GALK1: variants seen among roughly 807,000 people sequenced by gnomAD.
GALK1 encodes the protein galactokinase.
A neutral mutation model predicts 38.6 loss-of-function variants in GALK1; 30 were observed. The ratio of observed to expected loss-of-function variants is 0.78; its 90% CI spans 0.58 to 1.05. The LOEUF is 1.05. GALK1 is among the 50% of genes least tolerant of loss of function. The probability of loss-of-function intolerance (pLI) is 0.00; values close to 1 mark genes in which losing one functional copy is unlikely to be tolerated. For synonymous variants in GALK1, 240 were observed against 233.6 expected, an observed-to-expected ratio of 1.03 and a Z score of -0.25; for missense variants, 512 against 540.5, an observed-to-expected ratio of 0.95 and a Z score of 0.52.
rs746991487 is a variant in GALK1 at position 75,764,006 on chromosome 17, G to A, written c.246C>T (p.Ala82=). 4 of 1,609,850 alleles carry A rather than the reference G, an allele frequency of 2.5e-6. No homozygotes were observed. The highest frequency in any genetic ancestry group is 1.3e-5 in the African/African-American group (1 of 74,990). ...GAAACTGCAGCCGCTGGGGCTCATCGGCACCCTCAGAGGTGGTGAGGAGAG... is the reference window on the plus strand; with the variant it reads ...GAAACTGCAGCCGCTGGGGCTCATCAGCACCCTCAGAGGTGGTGAGGAGAG... ...LVSLLTTSEG[A]DEPQRLQFPL... Residue 82 remains alanine, a synonymous_variant, in exon 2 of 8, where the codon GCC becomes GCT. Transcript: ENST00000588479.
At position 75,758,433 on chromosome 17, in the gene GALK1, G is replaced by A. The variant is rs773660569; in HGVS notation, c.944+16C>T. ...GGCCTGTGCCCGGCAGGAGCGGGGC[G>A]CCCAGAGGGCCTCACCTGAGTGAGC... On this transcript the variant is annotated intron_variant, in intron 6 of 7. Transcript: ENST00000588479. 29 of 1,573,516 alleles carry A rather than the reference G, an allele frequency of 1.8e-5. No individual in the cohort carries two copies. Among genetic ancestry groups the A allele is most frequent in the East Asian group, 9.3e-5 (4 of 43,006 alleles).
intron 5 of GALK1, among the ~76,000 whole-genome samples, chr17:75,760,321 G>C (rs1055972997): frequency 2.0e-5 from 3 of 151,916 alleles, no homozygotes; most frequent in African/African-American, 7.2e-5. Flanking sequence ...TCGAATTCCT[G>C]AGCTCAATGA....
At chr17:75,755,968 C>A (rs990597944), downstream of GALK1, 2 of 1,263,900 alleles carry the variant, frequency 1.6e-6, no homozygotes, top group East Asian at 2.5e-5. Context: ...AGCGCTAAAG[C>A]CCCCATCCAG....
intron 2 of GALK1, 168 bp from the exon 3 acceptor site, chr17:75,763,607 T>A: frequency 1.3e-6 from 1 of 781,346 alleles, no homozygotes; most frequent in Non-Finnish European, 2.1e-6. Flanking sequence ...CCCACTGCCC[T>A]CCATTTTCCC....
Position 75,757,896 on chromosome 17 carries a change from C to A in GALK1, c.*160G>T. ...GGGAGCGGTTCTGACATCCCCCATT[C>A]TCTGACACCCAAGCATACACCCACC... On this transcript the variant is annotated 3_prime_UTR_variant, in exon 8 of 8. Coordinates refer to ENST00000588479, the MANE Select transcript of GALK1 (RefSeq NM_000154.2). 1.2e-6 allele frequency: 1 copy of A among 837,878 alleles called. No homozygotes were observed. 51.9% of individuals were successfully genotyped at this position (837,878 alleles called of 1,614,324 possible). A position where few individuals can be genotyped will look rare whatever the true frequency, so the allele number is the denominator to read the frequency against.
At chr17:75,764,542 C>T (rs1363483556) in intron 1 of GALK1, 1 of 475,704 alleles carries the variant, frequency 2.1e-6, no homozygotes, top group Non-Finnish European at 4.2e-6. Flanking sequence ...TTCACTGGGC[C>T]TCTCTAGGCC....
intron 5 of GALK1, among the ~76,000 whole-genome samples, chr17:75,760,408 T>A (rs941614549): frequency 1.3e-5 from 2 of 150,924 alleles, no homozygotes; most frequent in African/African-American, 4.9e-5. Flanking sequence ...CTACAATACT[T>A]GTGTCTCTTG....
chr17:75,757,291 C>T (rs771274592), downstream of GALK1: 19 of 1,612,188 alleles, frequency 1.2e-5, no homozygotes, highest in Middle Eastern at 1.6e-4. Flanking sequence ...ACACCAGCGC[C>T]ACCGAGCCCT....
In GALK1 at chr17:75,764,037, A is replaced by G; in HGVS notation, c.215T>C (p.Leu72Pro). ...CTCAGAGGTGGTGAGGAGAGACACC[A>G]GCCCATCCTTGCGGGGGCTGCCCAC... is the stretch of plus-strand genomic sequence containing the variant. ...VLVGSPRKDGLVSLLTTSEGA... is the reference protein window; with the variant it reads ...VLVGSPRKDGPVSLLTTSEGA... The change falls in exon 2 of 8, where the codon CTG becomes CCG. Residue 72 changes from leucine (L) to proline (P), a missense_variant. Transcript: ENST00000588479. The G allele has an allele frequency of 1.2e-6, 2 of 1,603,630 alleles. No individual in the cohort carries two copies. The highest frequency in any genetic ancestry group is 1.7e-6 in the Non-Finnish European group (2 of 1,176,588).
downstream of GALK1, chr17:75,757,819 G>A (rs1409474187): frequency 4.5e-6 from 3 of 661,716 alleles, no homozygotes; most frequent in African/African-American, 1.8e-5. Context: ...GCTACTGCTA[G>A]GCCCTGCCTT....
intron 4 of GALK1, 25 bp downstream of exon 4, chr17:75,762,989 A>C (rs963791589): frequency 6.2e-7 from 1 of 1,612,054 alleles, no homozygotes. Context: ...GCAGGGCGGG[A>C]GGGGACGAGG....
downstream of GALK1, chr17:75,753,746 G>T: frequency 7.1e-7 from 1 of 1,405,688 alleles, no homozygotes; most frequent in Non-Finnish European, 9.3e-7. Context: ...TGCCAACGCG[G>T]CCCTTCGTTG....
chr17:75,757,742 T>G, downstream of GALK1: 1 of 774,962 alleles, frequency 1.3e-6, no homozygotes, highest in Non-Finnish European at 2.1e-6. Context: ...CCCAAACCTA[T>G]TTGTAACCAA....
intron 1 of GALK1, chr17:75,764,540 G>A (rs1385225390): frequency 6.3e-6 from 3 of 475,072 alleles, no homozygotes; most frequent in South Asian, 4.7e-5. Context: ...AGTTCACTGG[G>A]CCTCTCTAGG....
chr17:75,754,028 C>A, downstream of GALK1: 2 of 838,556 alleles, frequency 2.4e-6, no homozygotes, highest in Non-Finnish European at 3.2e-6. Flanking sequence ...CTCACTCGCG[C>A]CTGAGGGCCT....
chr17:75,756,771 C>CTCGCT, downstream of GALK1: 1 of 1,612,916 alleles, frequency 6.2e-7, no homozygotes, highest in East Asian at 2.2e-5. Context: ...TGAGCCCAGA[C>CTCGCT]TCGCTGCAGC....
At chr17:75,754,920 A>G, downstream of GALK1, 1 of 1,565,204 alleles carries the variant, frequency 6.4e-7, no homozygotes, top group Non-Finnish European at 8.8e-7. Flanking sequence ...ATTCTCCAAC[A>G]TACACACACG....
At chr17:75,758,625 C>T in intron 5 of GALK1, 26 bp from the exon 6 acceptor site, 1 of 1,572,370 alleles carries the variant, frequency 6.4e-7, no homozygotes, top group South Asian at 1.2e-5. Context: ...GAGTCAGCAG[C>T]CGCCTTCTCA....
At chr17:75,754,819 A>C (rs953048163), downstream of GALK1, 3 of 1,613,872 alleles carry the variant, frequency 1.9e-6, no homozygotes, top group African/African-American at 4.0e-5. Flanking sequence ...TCCCACGGTG[A>C]GTGACCTCAG....
Sources: gnomAD v4.1 joint callset for allele counts (sites outside exome capture counted in the v4.1 genomes callset) on GRCh38, gnomAD v4.1.1 for gene constraint, MANE v1.5 for transcripts, NCBI Gene and HGNC (gene_info 2026-07-23, HGNC 2026-07-21) for gene names.